The following RPP30 variants were observed in gnomAD, a reference collection of about 807,000 sequenced individuals.
RPP30 encodes ribonuclease P/MRP subunit p30, also known as ribonuclease P protein subunit p30.
In RPP30, 36 loss-of-function variants were observed where a neutral mutation model predicts 38.6. The ratio of observed to expected loss-of-function variants is 0.93; its 90% CI spans 0.71 to 1.23. The LOEUF is 1.23. Ranked by LOEUF, RPP30 falls within the 50% of genes most tolerant of loss-of-function variation. The pLI is 0.00. For missense variants in RPP30, 321 were observed against 321.7 expected, an observed-to-expected ratio of 1.00 and a Z score of 0.02; for synonymous variants, 126 against 112.7, an observed-to-expected ratio of 1.12 and a Z score of -0.75.
At chr10:90,873,720 G>T (rs978448573) in intron 1 of RPP30, among the ~76,000 whole-genome samples, 1 of 152,122 alleles carries the variant, frequency 6.6e-6, no homozygotes, top group African/African-American at 2.4e-5. Context: ...AGCAGATTTG[G>T]GAGTGTGGTA....
At chr10:90,875,711 C>G (rs1277282281) in intron 3 of RPP30, 97 bp downstream of exon 3, 8 of 1,017,086 alleles carry the variant, frequency 7.9e-6, no homozygotes, top group Non-Finnish European at 1.2e-5. Flanking sequence ...GCACCTTACT[C>G]TGAGTACCAG....
chr10:90,895,777 T>C, intron 8 of RPP30, 103 bp from the exon 9 acceptor site: 2 of 852,140 alleles, frequency 2.3e-6, no homozygotes, highest in Non-Finnish European at 3.6e-6. Context: ...ATTTATGTAA[T>C]TTTTTTATTT....
chr10:90,884,942 T>G (rs1483619930), intron 5 of RPP30, among the ~76,000 whole-genome samples: 3 of 152,172 alleles, frequency 2.0e-5, no homozygotes, highest in Non-Finnish European at 2.9e-5. Flanking sequence ...AGCCAAATAT[T>G]TTTATCACTA....
chr10:90,904,915 A>G (rs776277255), downstream of RPP30, among the ~76,000 whole-genome samples: 2 of 152,230 alleles, frequency 1.3e-5, no homozygotes, highest in African/African-American at 2.4e-5. Context: ...TCAAATCTCT[A>G]TCTCACACCC....
At chr10:90,903,618 G>A (rs1847226213), downstream of RPP30, among the ~76,000 whole-genome samples, 1 of 152,186 alleles carries the variant, frequency 6.6e-6, no homozygotes, top group Non-Finnish European at 1.5e-5. Flanking sequence ...GGGCATGATG[G>A]CTGATCACCA....
downstream of RPP30, chr10:90,903,293 A>G (rs1464937791): frequency 5.8e-6 from 9 of 1,541,646 alleles, no homozygotes; most frequent in African/African-American, 5.5e-5. Flanking sequence ...ACCCAAGTAT[A>G]CATTTATCTA....
In RPP30 at chr10:90,901,821, AT is replaced by A. The variant is rs5786928; in HGVS notation, c.*1159del. 201,237 of 869,258 alleles carry A rather than the reference AT, an allele frequency of 0.23. 6,441 individuals are homozygous for A. The highest frequency in any genetic ancestry group is 0.43 in the African/African-American group (22,525 of 51,792). The allele number at this position is 869,258 out of a possible 1,614,324, so 53.8% of individuals were successfully genotyped here. A position where few individuals can be genotyped will look rare whatever the true frequency, so the allele number is the denominator to read the frequency against. On this transcript the variant is annotated 3_prime_UTR_variant, in exon 11 of 11. Coordinates refer to ENST00000371703, the MANE Select transcript of RPP30 (RefSeq NM_006413.5). Reference sequence around the variant, plus strand: ...TGTTCTGCGGGTTGGAGAAAATACAATTTTTTTTTTTTTTTTTGAGACAGTC... The same window carrying A: ...TGTTCTGCGGGTTGGAGAAAATACAATTTTTTTTTTTTTTTTGAGACAGTC...
At chr10:90,881,941 C>CACTCTT (rs1846934254) in intron 5 of RPP30, among the ~76,000 whole-genome samples, 7 of 152,256 alleles carry the variant, frequency 4.6e-5, no homozygotes, top group African/African-American at 1.7e-4. Flanking sequence ...GCATCATTTC[C>CACTCTT]ATGGGACATA....
chr10:90,875,067 C>T, intron 2 of RPP30, 143 bp downstream of exon 2: 1 of 497,406 alleles, frequency 2.0e-6, no homozygotes. Flanking sequence ...TATATAGAAA[C>T]AGTCGAGCTG....
chr10:90,872,285 A>G (rs1269048370), intron 1 of RPP30, among the ~76,000 whole-genome samples: 3 of 152,158 alleles, frequency 2.0e-5, no homozygotes, highest in Admixed American at 1.3e-4. Flanking sequence ...CTTTCCTGCA[A>G]TGAGGGAACT....
intron 6 of RPP30, among the ~76,000 whole-genome samples, chr10:90,891,869 C>T (rs1362068909): frequency 2.0e-5 from 3 of 152,120 alleles, no homozygotes; most frequent in Non-Finnish European, 4.4e-5. Flanking sequence ...TTATTGTTTT[C>T]TTATGTTGCT....
At chr10:90,875,487 C>A in intron 2 of RPP30, 71 bp from the exon 3 acceptor site, 2 of 1,211,728 alleles carry the variant, frequency 1.7e-6, no homozygotes, top group Non-Finnish European at 2.4e-6. Context: ...GAGAACACCT[C>A]GTAATTTTTC....
chr10:90,876,159 A>T, intron 4 of RPP30, 61 bp downstream of exon 4: 1 of 1,071,278 alleles, frequency 9.3e-7, no homozygotes, highest in Admixed American at 1.9e-5. Flanking sequence ...TTAATGTTGA[A>T]CAATGTTGCA....
At position 90,901,714 on chromosome 10, in the gene RPP30, TTA is replaced by T. The variant is rs1847205374; in HGVS notation, c.*1036_*1037del. 1 of 984,116 alleles carries T rather than the reference TTA, an allele frequency of 1.0e-6. No individual in the cohort carries two copies. The highest frequency in any genetic ancestry group is 1.7e-5 in the African/African-American group (1 of 57,196). The allele number at this position is 984,116 out of a possible 1,614,324, so 61.0% of individuals were successfully genotyped here. A position where few individuals can be genotyped will look rare whatever the true frequency, so the allele number is the denominator to read the frequency against. On this transcript the variant is annotated 3_prime_UTR_variant, in exon 11 of 11. Transcript: ENST00000371703. The stretch of plus-strand genomic sequence containing the variant: ...TGCAAATACATGCATTTATGCAATA[TTA>T]ATGTAAGGGCTCTAAAACAATGGAG...
rs1336602510 is a variant in RPP30, at chr10:90,885,919, T to C, written c.432+18T>C. 8 of 1,456,904 alleles carry C rather than the reference T, an allele frequency of 5.5e-6. No individual in the cohort carries two copies. The highest frequency in any genetic ancestry group is 7.6e-6 in the Non-Finnish European group (8 of 1,050,480). The allele number at this position is 1,456,904 out of a possible 1,614,324, so 90.2% of individuals were successfully genotyped here. ...TTAATGTGGTAAGTGTACTTTCCATTCTGTATTTGAATCTTAGAAACTTAC... is the reference window on the plus strand; with the variant it reads ...TTAATGTGGTAAGTGTACTTTCCATCCTGTATTTGAATCTTAGAAACTTAC... On this transcript the variant is annotated intron_variant, in intron 6 of 10. Transcript: ENST00000371703.
Position 90,901,210 on chromosome 10 carries a change from C to T in RPP30, c.*531C>T. 2 of 500,040 alleles carry T rather than the reference C, an allele frequency of 4.0e-6. No individual in the cohort carries two copies. The highest frequency in any genetic ancestry group is 5.1e-6 in the Non-Finnish European group (2 of 391,492). The allele number at this position is 500,040 out of a possible 1,614,324, so 31.0% of individuals were successfully genotyped here. Reference sequence around the variant, plus strand: ...CTATGTTGCTGAGGCTGGTCTCAAACTCCTAGGATCAAGCCATCCTCCCGC... The same window carrying T: ...CTATGTTGCTGAGGCTGGTCTCAAATTCCTAGGATCAAGCCATCCTCCCGC... On this transcript the variant is annotated 3_prime_UTR_variant, in exon 11 of 11. Coordinates refer to ENST00000371703, the MANE Select transcript of RPP30 (RefSeq NM_006413.5).
chr10:90,878,359 C>A (rs899961168), intron 4 of RPP30, among the ~76,000 whole-genome samples: 1 of 152,122 alleles, frequency 6.6e-6, no homozygotes, highest in Non-Finnish European at 1.5e-5. Flanking sequence ...AAGATGCCAA[C>A]AAGCAGAGAA....
At chr10:90,906,274 G>A (rs1238182406), downstream of RPP30, among the ~76,000 whole-genome samples, 1 of 152,200 alleles carries the variant, frequency 6.6e-6, no homozygotes, top group Non-Finnish European at 1.5e-5. Flanking sequence ...GGGGAGGAAT[G>A]AGAAGTGATG....
chr10:90,886,003 C>A, intron 6 of RPP30, 102 bp downstream of exon 6: 2 of 727,152 alleles, frequency 2.8e-6, no homozygotes, highest in Non-Finnish European at 4.3e-6. Context: ...AAAACAAAGG[C>A]TAGGGAATAG....
Sources: allele counts gnomAD v4.1 joint callset (sites outside exome capture counted in the v4.1 genomes callset), GRCh38; gene constraint gnomAD v4.1.1; transcripts MANE v1.5; gene names NCBI Gene and HGNC (gene_info 2026-07-23, HGNC 2026-07-21).